Variants in KCNK2 observed in about 807,000 individuals in gnomAD.
KCNK2 encodes the protein potassium channel subfamily K member 2.
In KCNK2, 21 loss-of-function variants were observed where a neutral mutation model predicts 40.5. The observed-to-expected ratio is 0.52, with a 90% confidence interval of 0.37 to 0.75. KCNK2 has a LOEUF of 0.75. Among genes scored for constraint, KCNK2 ranks in the 30% least tolerant of loss-of-function variants. The pLI is 0.00. For missense variants in KCNK2, 399 were observed against 531.6 expected (o/e 0.75, Z 2.45); for synonymous variants, 191 against 202.2 (o/e 0.94, Z 0.47).
intron 2 of KCNK2, among the ~76,000 whole-genome samples, chr1:215,118,598 A>G (rs1661050071): frequency 6.6e-6 from 1 of 152,148 alleles, no homozygotes; most frequent in Admixed American, 6.5e-5. Context: ...ACTACCAGAA[A>G]TTTGGCAAGA....
At chr1:215,179,302 C>A (rs551258817) in intron 5 of KCNK2, among the ~76,000 whole-genome samples, 1 of 151,962 alleles carries the variant, frequency 6.6e-6, no homozygotes, top group South Asian at 2.1e-4. Context: ...AAAGAACCAA[C>A]CTTTGGTTTT....
chr1:215,225,714 T>TA (rs1426939458), intron 6 of KCNK2, among the ~76,000 whole-genome samples: 1 of 152,212 alleles, frequency 6.6e-6, no homozygotes, highest in Admixed American at 6.5e-5. Context: ...AAGAAATTGA[T>TA]AGAATGCATA....
chr1:215,218,432 A>C (rs1459307999), intron 6 of KCNK2, among the ~76,000 whole-genome samples: 1 of 152,144 alleles, frequency 6.6e-6, no homozygotes, highest in African/African-American at 2.4e-5. Context: ...ACTATGTCCT[A>C]CTCTAATGTC....
rs71167820 is a variant in KCNK2 at position 215,236,053 on chromosome 1, T to TATCATCC, written c.*911_*912insATCCATC. On this transcript the variant is annotated 3_prime_UTR_variant, in exon 7 of 7. Transcript: ENST00000444842. Reference sequence around the variant, plus strand: ...TAAAGGCAGAAGAAGAAAATCTATCTATCTATCTATCTATCTATCTATCTA... The same window carrying TATCATCC: ...TAAAGGCAGAAGAAGAAAATCTATCTATCATCCATCTATCTATCTATCTATCTATCTA... 1 of 132,360 alleles carries TATCATCC rather than the reference T, an allele frequency of 7.6e-6. No individual in the cohort carries two copies. The highest frequency in any genetic ancestry group is 2.6e-4 in the East Asian group (1 of 3,920). The allele number at this position is 132,360 out of a possible 1,614,324, so 8.2% of individuals were successfully genotyped here.
chr1:215,113,754 C>T (rs1007077707), intron 2 of KCNK2, among the ~76,000 whole-genome samples: 4 of 152,126 alleles, frequency 2.6e-5, no homozygotes, highest in African/African-American at 9.7e-5. Context: ...CAACACCACG[C>T]CCAGATAACT....
At chr1:215,162,148 T>C (rs1183819826) in intron 3 of KCNK2, among the ~76,000 whole-genome samples, 1 of 152,206 alleles carries the variant, frequency 6.6e-6, no homozygotes, top group African/African-American at 2.4e-5. Flanking sequence ...TCATTGTGGT[T>C]TTGATTTGCA....
intron 1 of KCNK2, among the ~76,000 whole-genome samples, chr1:215,014,753 C>T (rs1290106304): frequency 6.6e-6 from 1 of 152,026 alleles, no homozygotes; most frequent in Non-Finnish European, 1.5e-5. Context: ...GGTAATTTTT[C>T]CATGAACTGA....
Position 215,207,573 on chromosome 1 carries a change from T to C in KCNK2, c.963+12481T>C, listed in dbSNP as rs1454623874. On this transcript the variant is annotated intron_variant, in intron 6 of 6. Transcript: ENST00000444842. ...GTTGTTCCCAAGAATGGTGGACAGG[T>C]ACTTGACTTACATGTCTGTGAGTAA... Among the ~76,000 whole-genome samples, 11 of 152,242 alleles carry C rather than the reference T, an allele frequency of 7.2e-5. No homozygotes were observed. The East Asian group carries it at 2.1e-3, about 29-fold the overall frequency.
At chr1:215,093,797 A>ATAAAATATATTATATATTATATATTAT (rs1334459031) in intron 2 of KCNK2, among the ~76,000 whole-genome samples, 1 of 12,760 alleles carries the variant, frequency 7.8e-5, no homozygotes, top group Non-Finnish European at 3.1e-4. Context: ...TATATTATAT[A>ATAAAATATATTATATATTATATATTAT]ATATAAAATA....
chr1:215,124,817 A>AT (rs1245024544), intron 3 of KCNK2, 67 bp downstream of exon 3: 13 of 971,758 alleles, frequency 1.3e-5, no homozygotes, highest in Non-Finnish European at 1.7e-5. Context: ...ATTTGTTTGA[A>AT]TTTTTTGTAT....
upstream of KCNK2, among the ~76,000 whole-genome samples, chr1:215,080,214 T>C (rs1011583890): frequency 2.0e-5 from 3 of 152,196 alleles, no homozygotes; most frequent in Non-Finnish European, 4.4e-5. Context: ...AACAGGCATA[T>C]TCAAACTATT....
chr1:215,171,732 T>C (rs1186867607), intron 4 of KCNK2, among the ~76,000 whole-genome samples: 1 of 152,138 alleles, frequency 6.6e-6, no homozygotes, highest in Non-Finnish European at 1.5e-5. Context: ...TGTAAAGCTA[T>C]GTGAGGATAA....
chr1:215,211,260 T>TC (rs909011688), intron 6 of KCNK2, among the ~76,000 whole-genome samples: 2 of 151,992 alleles, frequency 1.3e-5, no homozygotes, highest in Admixed American at 1.3e-4. Flanking sequence ...CCCTTGTGAT[T>TC]CCCCCAGCAC....
At chr1:215,148,841 G>A (rs12137068) in intron 3 of KCNK2, among the ~76,000 whole-genome samples, 4,408 of 152,276 alleles carry the variant, frequency 0.029, 90 homozygotes, top group Non-Finnish European at 0.042. Flanking sequence ...GGAAAGGACA[G>A]ACAGGATTTC....
chr1:215,189,892 C>A (rs984702640), intron 5 of KCNK2, among the ~76,000 whole-genome samples: 1 of 151,952 alleles, frequency 6.6e-6, no homozygotes, highest in South Asian at 2.1e-4. Flanking sequence ...GTCAAGTAAA[C>A]CCCCCAAAAT....
intron 1 of KCNK2, 41 bp downstream of exon 1, chr1:215,083,472 C>A (rs751731854): frequency 2.8e-6 from 4 of 1,433,470 alleles, no homozygotes; most frequent in South Asian, 1.1e-5. Flanking sequence ...TCTGGCCGCA[C>A]GCTCTCCTGC....
intron 2 of KCNK2, among the ~76,000 whole-genome samples, chr1:215,087,949 C>A (rs1430181686): frequency 6.6e-6 from 1 of 152,224 alleles, no homozygotes; most frequent in African/African-American, 2.4e-5. Flanking sequence ...TAGTTTCTAC[C>A]GCATTCAGAA....
chr1:215,123,992 G>A (rs571686571), intron 2 of KCNK2, among the ~76,000 whole-genome samples: 2 of 152,298 alleles, frequency 1.3e-5, no homozygotes, highest in African/African-American at 4.8e-5. Context: ...ATTGCTGGCA[G>A]ATTGTCATCT....
At chr1:215,190,065 C>T (rs542382203) in intron 5 of KCNK2, among the ~76,000 whole-genome samples, 19 of 152,216 alleles carry the variant, frequency 1.2e-4, no homozygotes, top group Non-Finnish European at 2.4e-4. Context: ...AACCTTAGTC[C>T]GGAGTGGCTA....
Sources: allele counts gnomAD v4.1 joint callset (sites outside exome capture counted in the v4.1 genomes callset), GRCh38; gene constraint gnomAD v4.1.1; transcripts MANE v1.5; gene names NCBI Gene and HGNC (gene_info 2026-07-23, HGNC 2026-07-21).